The following DCAF6 variants were observed in gnomAD, a reference collection of about 807,000 sequenced individuals.
DCAF6 encodes DDB1 and CUL4 associated factor 6, also known as DDB1- and CUL4-associated factor 6.
In DCAF6, 54 loss-of-function variants were observed where a neutral mutation model predicts 125.1. That is an observed-to-expected ratio of 0.43 (90% CI 0.35 to 0.54). The LOEUF (loss-of-function observed/expected upper bound fraction) is 0.54, where lower values mean the gene tolerates loss of function less well. Among genes scored for constraint, DCAF6 ranks in the 20% least tolerant of loss-of-function variants. The pLI is 0.01. For synonymous variants in DCAF6, 371 were observed against 390.4 expected (o/e 0.95, Z 0.58); for missense variants, 934 against 1,161.7 (o/e 0.80, Z 2.85).
the DCAF6 span, among the ~76,000 whole-genome samples, chr1:167,906,513 T>C: frequency 1.3e-5 from 2 of 151,694 alleles, no homozygotes. Context: ...AGATGCTAGA[T>C]GCAGTGGTTT....
intron 2 of DCAF6, among the ~76,000 whole-genome samples, chr1:167,962,766 C>T (rs1166077737): frequency 6.6e-6 from 1 of 151,108 alleles, no homozygotes; most frequent in Non-Finnish European, 1.5e-5. Context: ...ACCAGCCTGG[C>T]CAACGTGGCA....
chr1:168,008,691 A>G (rs775854115), intron 10 of DCAF6, among the ~76,000 whole-genome samples: 68 of 152,266 alleles, frequency 4.5e-4, no homozygotes, highest in South Asian at 1.0e-3. Context: ...CTGTGGACGT[A>G]TAAGAATTTA....
the DCAF6 span, among the ~76,000 whole-genome samples, chr1:167,873,069 C>G: frequency 1.3e-4 from 20 of 148,314 alleles, no homozygotes; most frequent in African/African-American, 5.0e-4. Context: ...GACTCTGTCT[C>G]AAAAGAAAAA....
the DCAF6 span, among the ~76,000 whole-genome samples, chr1:167,868,383 A>T: frequency 6.6e-6 from 1 of 152,204 alleles, no homozygotes; most frequent in Non-Finnish European, 1.5e-5. Context: ...GCATAGCTGA[A>T]AAAAGGAAAG....
Position 168,053,380 on chromosome 1 carries a change from A to G in DCAF6, c.2300+2447A>G, listed in dbSNP as rs139118311. 2.1e-3 allele frequency among the ~76,000 whole-genome samples: 315 copies of G among 152,318 alleles called. 1 individual carries two copies. The highest frequency in any genetic ancestry group is 7.1e-3 in the African/African-American group (294 of 41,572). On this transcript the variant is annotated intron_variant, in intron 17 of 21. Coordinates refer to ENST00000367840, the MANE Select transcript of DCAF6 (RefSeq NM_001198956.2). Reference sequence around the variant, plus strand: ...TTTTATTCATATCTCCCTGCATGATATGGGTTTTTGCTTTCTTTCTCTGCT... The same window carrying G: ...TTTTATTCATATCTCCCTGCATGATGTGGGTTTTTGCTTTCTTTCTCTGCT...
chr1:167,865,828 C>A, the DCAF6 span, among the ~76,000 whole-genome samples: 3 of 152,202 alleles, frequency 2.0e-5, no homozygotes, highest in Admixed American at 2.0e-4. Flanking sequence ...CCCTCATTGT[C>A]CCCCTTCCAC....
chr1:167,949,331 CAGTG>C (rs1167888449), intron 1 of DCAF6, among the ~76,000 whole-genome samples: 1 of 152,126 alleles, frequency 6.6e-6, no homozygotes, highest in African/African-American at 2.4e-5. Context: ...ACTATCTTCT[CAGTG>C]AGGTTTATAT....
the DCAF6 span, chr1:167,875,285 A>G: frequency 3.3e-5 from 40 of 1,214,872 alleles, no homozygotes; most frequent in Non-Finnish European, 4.2e-5. Flanking sequence ...TTCCTTCTCA[A>G]TTGCTAACAA....
chr1:167,936,474 G>A (rs758213205), upstream of DCAF6: 1 of 186,576 alleles, frequency 5.4e-6, no homozygotes, highest in African/African-American at 2.4e-5. Flanking sequence ...GCGACTTAAG[G>A]ATCTGGTTAG....
At chr1:167,999,410 C>A (rs1682257242) in intron 7 of DCAF6, among the ~76,000 whole-genome samples, 1 of 152,172 alleles carries the variant, frequency 6.6e-6, no homozygotes, top group South Asian at 2.1e-4. Flanking sequence ...AGAGAACCAG[C>A]ATGTCCTTCG....
chr1:168,004,426 A>G, intron 9 of DCAF6, 107 bp from the exon 10 acceptor site: 1 of 1,221,190 alleles, frequency 8.2e-7, no homozygotes, highest in Non-Finnish European at 1.2e-6. Flanking sequence ...CTGAAATTAT[A>G]TATTTGTGTG....
chr1:167,951,727 G>T, intron 1 of DCAF6, 73 bp from the exon 2 acceptor site: 1 of 951,560 alleles, frequency 1.1e-6, no homozygotes, highest in East Asian at 2.4e-5. Flanking sequence ...CAGATCCTAG[G>T]CTCCTAATTT....
upstream of DCAF6, chr1:167,935,935 C>T (rs1671149648): frequency 3.2e-6 from 3 of 934,648 alleles, no homozygotes; most frequent in Non-Finnish European, 5.0e-6. Flanking sequence ...TTTCCTGCCA[C>T]GACGACTCGC....
At position 168,075,424 on chromosome 1, in the gene DCAF6, G is replaced by A; in HGVS notation, c.2845G>A (p.Asp949Asn). ...CTCTGGTCAAGAGAATGAAAATGAG[G>A]ATGAGGAATAATAAACTCTTTTTGG... is the stretch of plus-strand genomic sequence containing the variant. Reference protein sequence around the residue: ...EGSGQENENEDEE With the variant: ...EGSGQENENENEE The change falls in exon 22 of 22, where the codon GAT becomes AAT. Residue 949 changes from aspartate to asparagine, a missense_variant. By Grantham distance (23) the Asp-to-Asn change is conservative (BLOSUM62 1). Transcript: ENST00000367840. 6.2e-7 allele frequency: 1 copy of A among 1,600,172 alleles called. No individual in the cohort carries two copies. The highest frequency in any genetic ancestry group is 8.5e-7 in the Non-Finnish European group (1 of 1,176,256).
At chr1:167,969,040 T>G (rs1336403207) in intron 3 of DCAF6, among the ~76,000 whole-genome samples, 2 of 152,148 alleles carry the variant, frequency 1.3e-5, no homozygotes, top group Non-Finnish European at 2.9e-5. Flanking sequence ...AAATATAGAT[T>G]TATATGTTGG....
the DCAF6 span, chr1:167,899,405 T>C: frequency 2.5e-6 from 4 of 1,613,464 alleles, no homozygotes; most frequent in Admixed American, 1.7e-5. Flanking sequence ...TTTCTGTAAG[T>C]AGCAGCATCA....
At chr1:167,995,328 T>C (rs1681488584) in intron 7 of DCAF6, among the ~76,000 whole-genome samples, 1 of 152,186 alleles carries the variant, frequency 6.6e-6, no homozygotes, top group South Asian at 2.1e-4. Context: ...AGACTTTTCC[T>C]TGGTCTTGTT....
the DCAF6 span, among the ~76,000 whole-genome samples, chr1:167,868,102 A>G: frequency 1.6e-4 from 24 of 152,378 alleles, no homozygotes; most frequent in African/African-American, 5.0e-4. Flanking sequence ...CTCCGGAACC[A>G]GTATTTCAGA....
At chr1:167,923,396 A>G in the DCAF6 span, among the ~76,000 whole-genome samples, 5 of 152,190 alleles carry the variant, frequency 3.3e-5, no homozygotes, top group African/African-American at 1.2e-4. Context: ...ACATGTGACA[A>G]CGTTAATGTA....
Sources: allele counts gnomAD v4.1 joint callset (sites outside exome capture counted in the v4.1 genomes callset), GRCh38; gene constraint gnomAD v4.1.1; transcripts MANE v1.5; gene names NCBI Gene and HGNC (gene_info 2026-07-23, HGNC 2026-07-21).